The following COPB1 variants were observed in gnomAD, a reference collection of about 807,000 sequenced individuals.
COPB1 encodes coat protein complex I subunit beta 1.
Under a neutral mutation model 108.7 loss-of-function variants are expected in COPB1, and 21 were observed. That is an observed-to-expected ratio of 0.19 (90% CI 0.14 to 0.28). COPB1 has a LOEUF of 0.28. COPB1 is among the 10% of genes least tolerant of loss of function. COPB1 has a pLI of 1.00. For synonymous variants in COPB1, 378 were observed against 386.8 expected (o/e 0.98, Z 0.27); for missense variants, 919 against 1,141.3 (o/e 0.81, Z 2.81).
chr11:14,459,314 G>T (rs1489999039), intron 20 of COPB1, among the ~76,000 whole-genome samples: 1 of 152,062 alleles, frequency 6.6e-6, no homozygotes, highest in African/African-American at 2.4e-5. Context: ...GACTACTTTT[G>T]TTGGACTCAG....
At chr11:14,460,074 G>A (rs1850110838) in intron 20 of COPB1, 134 bp downstream of exon 20, 2 of 572,102 alleles carry the variant, frequency 3.5e-6, no homozygotes, top group African/African-American at 3.8e-5. Context: ...AACATTCTAT[G>A]GGATAACATC....
At position 14,480,925 on chromosome 11, in the gene COPB1, A is replaced by G. The variant is rs1438098899; in HGVS notation, c.1066-20T>C. The G allele has an allele frequency of 6.2e-7, 1 of 1,613,682 alleles. No individual in the cohort carries two copies. The highest frequency in any genetic ancestry group is 8.5e-7 in the Non-Finnish European group (1 of 1,179,690). Reference sequence around the variant, plus strand: ...AACCAGCTTATAGAATGAAGTAAAAATAAGTGAGAGTTACATCATATTTGG... The same window carrying G: ...AACCAGCTTATAGAATGAAGTAAAAGTAAGTGAGAGTTACATCATATTTGG... On this transcript the variant is annotated intron_variant, in intron 9 of 21. Transcript: ENST00000439561.
chr11:14,485,584 C>A (rs758404217), intron 7 of COPB1, among the ~76,000 whole-genome samples: 1 of 152,190 alleles, frequency 6.6e-6, no homozygotes, highest in Non-Finnish European at 1.5e-5. Flanking sequence ...CGGTGGCTTA[C>A]GCCTGTAATC....
At chr11:14,499,379 G>A (rs542566506) in intron 1 of COPB1, among the ~76,000 whole-genome samples, 6 of 152,264 alleles carry the variant, frequency 3.9e-5, no homozygotes, top group Non-Finnish European at 8.8e-5. Flanking sequence ...GGTGGGTTCC[G>A]ACTCTATGTC....
intron 14 of COPB1, among the ~76,000 whole-genome samples, chr11:14,471,327 C>T (rs530847245): frequency 6.6e-6 from 1 of 152,250 alleles, no homozygotes; most frequent in East Asian, 1.9e-4. Context: ...ATTATTAACT[C>T]GGTATGTTAC....
chr11:14,477,389 CAAAAA>C (rs61014253), intron 11 of COPB1, among the ~76,000 whole-genome samples: 4 of 73,312 alleles, frequency 5.5e-5, no homozygotes, highest in Non-Finnish European at 1.0e-4. Flanking sequence ...GACTCCGTCT[CAAAAA>C]AAAAAAAAAA....
At chr11:14,463,616 G>A (rs983648894) in intron 18 of COPB1, among the ~76,000 whole-genome samples, 19 of 152,164 alleles carry the variant, frequency 1.2e-4, no homozygotes, top group East Asian at 3.9e-4. Context: ...CACCACACCC[G>A]GCCTATCTCT....
At chr11:14,478,957 C>CAAAAAAAAAAAAAAAAA (rs35295507) in intron 11 of COPB1, 1 of 68,396 alleles carries the variant, frequency 1.5e-5, no homozygotes, top group Non-Finnish European at 2.6e-5. Flanking sequence ...AGCCCTCTCA[C>CAAAAAAAAAAAAAAAAA]AAAAAAAAAA....
intron 5 of COPB1, 61 bp from the exon 6 acceptor site, chr11:14,488,645 A>G (rs1311118403): frequency 9.7e-7 from 1 of 1,025,944 alleles, no homozygotes; most frequent in Admixed American, 2.2e-5. Flanking sequence ...GACTTAATGC[A>G]TCTTAAAAAA....
At chr11:14,477,287 G>A (rs931724400) in intron 11 of COPB1, among the ~76,000 whole-genome samples, 3 of 150,850 alleles carry the variant, frequency 2.0e-5, no homozygotes, top group Non-Finnish European at 4.4e-5. Flanking sequence ...GGGAGGCTGA[G>A]GCAGGAGAAT....
chr11:14,457,619 A>G lies in COPB1; in HGVS notation c.*205T>C, dbSNP rs934111463. 5 of 479,294 alleles carry G rather than the reference A, an allele frequency of 1.0e-5. No individual in the cohort carries two copies. Among genetic ancestry groups the G allele is most frequent in the African/African-American group, 8.0e-5 (4 of 49,864 alleles). The allele number at this position is 479,294 out of a possible 1,614,324, so 29.7% of individuals were successfully genotyped here. ...ACATGAAACATTATATACTTTGAGG[A>G]CAGCATTCAGAACTGTTAAGACAAA... On this transcript the variant is annotated 3_prime_UTR_variant, in exon 22 of 22. Coordinates refer to ENST00000439561, the MANE Select transcript of COPB1 (RefSeq NM_001144061.2).
At chr11:14,461,433 G>A in intron 18 of COPB1, 102 bp from the exon 19 acceptor site, 1 of 1,193,848 alleles carries the variant, frequency 8.4e-7, no homozygotes, top group Non-Finnish European at 1.2e-6. Flanking sequence ...TTAACAATAA[G>A]ATTGTTTATA....
intron 14 of COPB1, 200 bp downstream of exon 14, chr11:14,474,295 A>AT (rs1047560808): frequency 2.3e-4 from 87 of 386,052 alleles, no homozygotes; most frequent in African/African-American, 1.5e-3. Flanking sequence ...GTCAATTTTC[A>AT]TTTTTTTAAA....
At chr11:14,483,226 CACCA>C in intron 7 of COPB1, 75 bp from the exon 8 acceptor site, 2 of 831,448 alleles carry the variant, frequency 2.4e-6, no homozygotes, top group South Asian at 3.9e-5. Context: ...TGCGCGCGCA[CACCA>C]CACACACACA....
chr11:14,466,918 G>T (rs1483544472), intron 16 of COPB1, among the ~76,000 whole-genome samples: 3 of 152,088 alleles, frequency 2.0e-5, no homozygotes, highest in Non-Finnish European at 4.4e-5. Context: ...AGTAAGAAAT[G>T]ATTGTAATGC....
chr11:14,466,454 C>A, intron 16 of COPB1, 28 bp from the exon 17 acceptor site: 1 of 1,595,180 alleles, frequency 6.3e-7, no homozygotes, highest in South Asian at 1.1e-5. Flanking sequence ...AAGACATAAT[C>A]AAATGACAGA....
intron 7 of COPB1, among the ~76,000 whole-genome samples, chr11:14,483,846 T>C (rs2134117638): frequency 6.6e-6 from 1 of 152,278 alleles, no homozygotes; most frequent in East Asian, 1.9e-4. Context: ...CACTGATGGA[T>C]GCTAAAATAA....
At chr11:14,468,648 A>C (rs746343339) in intron 16 of COPB1, 33 bp downstream of exon 16, 13 of 1,593,472 alleles carry the variant, frequency 8.2e-6, no homozygotes, top group Non-Finnish European at 1.1e-5. Flanking sequence ...GAGTCGATTT[A>C]AATAATTTAG....
At chr11:14,494,611 A>G (rs1351212555) in intron 2 of COPB1, 172 bp from the exon 3 acceptor site, 5 of 553,862 alleles carry the variant, frequency 9.0e-6, no homozygotes, top group Non-Finnish European at 1.6e-5. Flanking sequence ...TCCACCAAAT[A>G]ATCTGTCTTT....
Sources: allele counts gnomAD v4.1 joint callset (sites outside exome capture counted in the v4.1 genomes callset), GRCh38; gene constraint gnomAD v4.1.1; transcripts MANE v1.5; gene names NCBI Gene and HGNC (gene_info 2026-07-23, HGNC 2026-07-21).